Variants in COL5A2 observed in about 807,000 individuals in gnomAD.
COL5A2 encodes collagen type V alpha 2 chain.
A neutral mutation model predicts 208.2 loss-of-function variants in COL5A2; 23 were observed. The ratio of observed to expected loss-of-function variants is 0.11; its 90% CI spans 0.08 to 0.16. The LOEUF (loss-of-function observed/expected upper bound fraction) is 0.16, where lower values mean the gene tolerates loss of function less well. Among genes scored for constraint, COL5A2 ranks in the 10% least tolerant of loss-of-function variants. The pLI, the probability that COL5A2 is intolerant of heterozygous loss-of-function variation, is 1.00. For missense variants in COL5A2, 1,590 were observed against 1,956.4 expected, an observed-to-expected ratio of 0.81 and a Z score of 3.53; for synonymous variants, 625 against 628.5, an observed-to-expected ratio of 0.99 and a Z score of 0.08.
At chr2:189,340,670 TAAGGGGATTG>T in the COL5A2 span, among the ~76,000 whole-genome samples, 1 of 152,202 alleles carries the variant, frequency 6.6e-6, no homozygotes, top group Admixed American at 6.5e-5. Flanking sequence ...TCCCTGGGCC[TAAGGGGATTG>T]AATAGTTTTC....
chr2:189,253,446 C>T, the COL5A2 span, among the ~76,000 whole-genome samples: 2 of 152,200 alleles, frequency 1.3e-5, no homozygotes, highest in Non-Finnish European at 2.9e-5. Flanking sequence ...TGGCAACAAG[C>T]CGGCTAAGGA....
chr2:189,170,578 G>A (rs1468160484), intron 1 of COL5A2, among the ~76,000 whole-genome samples: 3 of 152,316 alleles, frequency 2.0e-5, no homozygotes, highest in African/African-American at 7.2e-5. Context: ...GCAAAAGTTA[G>A]ATGTGGGAAC....
the COL5A2 span, among the ~76,000 whole-genome samples, chr2:189,328,235 C>T: frequency 6.6e-6 from 1 of 152,198 alleles, no homozygotes; most frequent in Admixed American, 6.5e-5. Context: ...TGATATTTAA[C>T]TAATAATACT....
intron 1 of COL5A2, among the ~76,000 whole-genome samples, chr2:189,118,287 T>C (rs1174649137): frequency 1.3e-5 from 2 of 152,002 alleles, no homozygotes; most frequent in East Asian, 3.9e-4. Flanking sequence ...ATAATTATTA[T>C]TGTATTTTAA....
chr2:189,169,353 G>A lies in COL5A2; in HGVS notation c.97+10155C>T, dbSNP rs1688528328. On this transcript the variant is annotated intron_variant, in intron 1 of 53. Transcript: ENST00000374866. ...TATGTGGGGCTGCGAAACAGGGGAGGGGCAGTGATGCTTCAGATCATGGGG... is the reference window on the plus strand; with the variant it reads ...TATGTGGGGCTGCGAAACAGGGGAGAGGCAGTGATGCTTCAGATCATGGGG... 2.0e-5 allele frequency among the ~76,000 whole-genome samples: 3 copies of A among 152,106 alleles called. No homozygotes were observed. The South Asian group carries it at 6.2e-4, about 32-fold the overall frequency.
Position 189,051,444 on chromosome 2 carries a change from C to T in COL5A2, c.2807G>A (p.Gly936Glu). Reference protein sequence around the residue: ...PGPAGPLGEPGKEGPPGLRGD... With the variant: ...PGPAGPLGEPEKEGPPGLRGD... ...ACGAAGACCTGGAGGTCCCTCCTTC[C>T]CGGGTTCCCCTAGGGGTCCCGCAGG... Residue 936 changes from glycine (G) to glutamate (E), a missense_variant, in exon 42 of 54, where the codon GGG (glycine) becomes GAG (glutamate). Transcript: ENST00000374866. 1.2e-6 allele frequency: 2 copies of T among 1,612,824 alleles called. No homozygotes were observed.
chr2:189,068,718 A>G, intron 19 of COL5A2, 68 bp downstream of exon 19: 1 of 1,123,778 alleles, frequency 8.9e-7, no homozygotes, highest in South Asian at 1.2e-5. Context: ...AAATAGGTTG[A>G]ATTTGTTCTG....
At chr2:189,059,037 C>T (rs1047019477) in intron 31 of COL5A2, 144 bp from the exon 32 acceptor site, 10 of 638,984 alleles carry the variant, frequency 1.6e-5, no homozygotes, top group Admixed American at 5.9e-5. Context: ...AAGAAAAGTA[C>T]GTATATTTTT....
At chr2:189,421,157 C>G in the COL5A2 span, among the ~76,000 whole-genome samples, 1 of 152,046 alleles carries the variant, frequency 6.6e-6, no homozygotes, top group Non-Finnish European at 1.5e-5. Context: ...TACTAATACT[C>G]TTTACTTAAA....
chr2:189,239,682 A>G, the COL5A2 span, among the ~76,000 whole-genome samples: 2 of 151,294 alleles, frequency 1.3e-5, no homozygotes, highest in Admixed American at 1.3e-4. Flanking sequence ...TGACGAGTTA[A>G]TGGGTGCAGC....
At chr2:189,050,758 T>A in intron 42 of COL5A2, 82 bp from the exon 43 acceptor site, 1 of 1,142,354 alleles carries the variant, frequency 8.8e-7, no homozygotes. Flanking sequence ...TGGGTACAGC[T>A]TTACAGGTTT....
the COL5A2 span, among the ~76,000 whole-genome samples, chr2:189,249,494 A>C: frequency 1.3e-5 from 2 of 152,218 alleles, no homozygotes; most frequent in African/African-American, 4.8e-5. Flanking sequence ...AGTATAATTG[A>C]AGTACAATAA....
At chr2:189,388,588 A>G in the COL5A2 span, among the ~76,000 whole-genome samples, 1,360 of 152,336 alleles carry the variant, frequency 8.9e-3, 13 homozygotes, top group Non-Finnish European at 0.014. Context: ...CTTTCAAAGC[A>G]GAAGTGTGAC....
chr2:189,332,409 A>G, the COL5A2 span, among the ~76,000 whole-genome samples: 4 of 152,230 alleles, frequency 2.6e-5, no homozygotes, highest in African/African-American at 4.8e-5. Context: ...AAGTCCCCGT[A>G]TATTTCAAAG....
the COL5A2 span, among the ~76,000 whole-genome samples, chr2:189,300,434 A>T: frequency 6.6e-6 from 1 of 152,172 alleles, no homozygotes; most frequent in Non-Finnish European, 1.5e-5. Flanking sequence ...ATTTAAAAAT[A>T]AAAAAATGTG....
At chr2:189,161,696 T>C (rs554084463) in intron 1 of COL5A2, among the ~76,000 whole-genome samples, 39 of 152,332 alleles carry the variant, frequency 2.6e-4, no homozygotes, top group African/African-American at 9.1e-4. Flanking sequence ...GTTTCTACTA[T>C]ATGCATAGCA....
intron 1 of COL5A2, among the ~76,000 whole-genome samples, chr2:189,159,699 A>G (rs1286983640): frequency 8.6e-6 from 1 of 116,182 alleles, no homozygotes; most frequent in Admixed American, 9.5e-5. Context: ...TGAAAAAATT[A>G]TTTAAAAAAA....
At chr2:189,095,554 A>ACATTGATT (rs1686891211) in intron 6 of COL5A2, among the ~76,000 whole-genome samples, 3 of 151,860 alleles carry the variant, frequency 2.0e-5, no homozygotes, top group Admixed American at 2.0e-4. Flanking sequence ...TACCCAATTC[A>ACATTGATT]CATTGATTGT....
At chr2:189,326,948 G>A in the COL5A2 span, among the ~76,000 whole-genome samples, 15 of 151,744 alleles carry the variant, frequency 9.9e-5, no homozygotes, top group Admixed American at 1.3e-4. Context: ...GCACACACCT[G>A]TAATCCCAGA....
Sources: allele counts gnomAD v4.1 joint callset (sites outside exome capture counted in the v4.1 genomes callset), GRCh38; gene constraint gnomAD v4.1.1; transcripts MANE v1.5; gene names NCBI Gene and HGNC (gene_info 2026-07-23, HGNC 2026-07-21).